Variants in RBFOX1 observed in about 807,000 individuals in gnomAD.
RBFOX1 encodes the protein RNA binding fox-1 homolog 1.
Under a neutral mutation model 57.7 loss-of-function variants are expected in RBFOX1, and 8 were observed. The ratio of observed to expected loss-of-function variants is 0.14; its 90% CI spans 0.08 to 0.25. The LOEUF (loss-of-function observed/expected upper bound fraction) is 0.25, where lower values mean the gene tolerates loss of function less well. Ranked by LOEUF, RBFOX1 falls within the 10% of genes least tolerant of loss-of-function variation. The probability of loss-of-function intolerance (pLI) is 1.00; values close to 1 mark genes in which losing one functional copy is unlikely to be tolerated. For missense variants in RBFOX1, 611 were observed against 548.5 expected, an observed-to-expected ratio of 1.11 and a Z score of -1.14; for synonymous variants, 326 against 222.4, an observed-to-expected ratio of 1.47 and a Z score of -4.15.
chr16:5,751,120 G>C lies in RBFOX1; in HGVS notation c.319-116183G>C, dbSNP rs1399823198. Reference sequence around the variant, plus strand: ...GGCCTCCTAAAGTGCTGGGATTACAGGCATGAGCCATCGTGCCTTGCCAAG... The same window carrying C: ...GGCCTCCTAAAGTGCTGGGATTACACGCATGAGCCATCGTGCCTTGCCAAG... On this transcript the variant is annotated intron_variant, in intron 3 of 19. Coordinates refer to the RBFOX1 transcript ENST00000641259. 2.6e-5 allele frequency among the ~76,000 whole-genome samples: 4 copies of C among 152,174 alleles called. No homozygotes were observed. The South Asian group carries it at 8.3e-4, about 31-fold the overall frequency.
chr16:5,737,879 T>C (rs915662043), intron 3 of RBFOX1, among the ~76,000 whole-genome samples: 2 of 152,236 alleles, frequency 1.3e-5, no homozygotes, highest in Non-Finnish European at 2.9e-5. Context: ...AATTATACTT[T>C]AAGTTCTGAG....
chr16:5,261,698 TG>T (rs1198947714), intron 1 of RBFOX1, among the ~76,000 whole-genome samples: 2 of 152,058 alleles, frequency 1.3e-5, no homozygotes, highest in African/African-American at 4.8e-5. Flanking sequence ...TACAGGCGCC[TG>T]CCACCATGCC....
Position 6,779,807 on chromosome 16 carries a change from TTATA to T in RBFOX1, c.-16+125165_-16+125168del, listed in dbSNP as rs1491405791. ...TATTTTTATATATACTTTTATATAT[TTATA>T]TATATATTTATATATATTTTTATAT... On this transcript the variant is annotated intron_variant, in intron 3 of 15. Coordinates refer to ENST00000550418, the MANE Select transcript of RBFOX1 (RefSeq NM_018723.4). Among the ~76,000 whole-genome samples, 30 of 11,260 alleles carry T rather than the reference TTATA, an allele frequency of 2.7e-3. 6 individuals carry two copies. Among genetic ancestry groups the T allele is most frequent in the Middle Eastern group, 0.048 (2 of 42 alleles). The allele number at this position is 11,260 out of a possible 152,430, so 7.4% of individuals were successfully genotyped here. A position where few individuals can be genotyped will look rare whatever the true frequency, so the allele number is the denominator to read the frequency against.
At chr16:5,719,849 G>C (rs1444019669) in intron 3 of RBFOX1, among the ~76,000 whole-genome samples, 1 of 152,120 alleles carries the variant, frequency 6.6e-6, no homozygotes. Flanking sequence ...ATTATGAATA[G>C]TGCTGCTACG....
At chr16:5,932,809 C>T (rs980318215) in intron 4 of RBFOX1, among the ~76,000 whole-genome samples, 5 of 151,974 alleles carry the variant, frequency 3.3e-5, no homozygotes, top group African/African-American at 7.3e-5. Flanking sequence ...ACCTCGGGTG[C>T]TTGGTTCTCC....
intron 2 of RBFOX1, among the ~76,000 whole-genome samples, chr16:6,381,224 A>T (rs1004849907): frequency 6.6e-6 from 1 of 152,182 alleles, no homozygotes; most frequent in African/African-American, 2.4e-5. Flanking sequence ...CAAATTTCTC[A>T]TGTGCATATA....
intron 4 of RBFOX1, among the ~76,000 whole-genome samples, chr16:7,108,025 G>T (rs1439986116): frequency 6.6e-6 from 1 of 151,416 alleles, no homozygotes; most frequent in Non-Finnish European, 1.5e-5. Flanking sequence ...AAGATTGGGG[G>T]GGAGAGGGTA....
At chr16:7,265,533 C>T (rs777397171) in intron 4 of RBFOX1, among the ~76,000 whole-genome samples, 3 of 152,128 alleles carry the variant, frequency 2.0e-5, no homozygotes, top group Admixed American at 6.5e-5. Flanking sequence ...ACTGTAACCT[C>T]CGCCTCCCGT....
intron 4 of RBFOX1, among the ~76,000 whole-genome samples, chr16:7,359,993 C>CA (rs1201797539): frequency 7.1e-6 from 1 of 140,548 alleles, no homozygotes; most frequent in African/African-American, 2.6e-5. Flanking sequence ...CAAAAAAAAA[C>CA]AAAAAACAAA....
chr16:7,333,041 G>C, intron 4 of RBFOX1: 4 of 1,613,812 alleles, frequency 2.5e-6, no homozygotes, highest in Non-Finnish European at 3.4e-6. Context: ...TCCTTATGGC[G>C]TGCCTATGAT....
At chr16:6,590,831 G>T (rs2097700004) in intron 2 of RBFOX1, among the ~76,000 whole-genome samples, 1 of 77,608 alleles carries the variant, frequency 1.3e-5, no homozygotes, top group African/African-American at 4.9e-5. Context: ...CTGTCATATT[G>T]GCAAGTGCGT....
chr16:6,450,801 G>GTGTA lies in RBFOX1; in HGVS notation c.-64+133745_-64+133746insGTAT, dbSNP rs2094585388. The stretch of plus-strand genomic sequence containing the variant: ...TATATATATATATACATATATATAT[G>GTGTA]TATATATATATATATACATATATAT... On this transcript the variant is annotated intron_variant, in intron 2 of 15. Transcript: ENST00000550418. Among the ~76,000 whole-genome samples, 31 of 16,460 alleles carry GTGTA rather than the reference G, an allele frequency of 1.9e-3. 4 individuals carry two copies. The highest frequency in any genetic ancestry group is 7.1e-3 in the African/African-American group (31 of 4,338). The allele number at this position is 16,460 out of a possible 152,430, so 10.8% of individuals were successfully genotyped here. A position where few individuals can be genotyped will look rare whatever the true frequency, so the allele number is the denominator to read the frequency against.
chr16:7,173,439 A>T (rs1347727511), intron 4 of RBFOX1, among the ~76,000 whole-genome samples: 2 of 152,212 alleles, frequency 1.3e-5, no homozygotes, highest in African/African-American at 4.8e-5. Context: ...AGTGACTCTG[A>T]AAGGGAGGCA....
chr16:5,939,526 T>TG (rs1347426124), intron 4 of RBFOX1, among the ~76,000 whole-genome samples: 2 of 152,196 alleles, frequency 1.3e-5, no homozygotes, highest in African/African-American at 4.8e-5. Flanking sequence ...CCTCACAACA[T>TG]GGCTGCTGGC....
chr16:5,629,152 T>A (rs2048429818), intron 3 of RBFOX1, among the ~76,000 whole-genome samples: 1 of 152,216 alleles, frequency 6.6e-6, no homozygotes, highest in Non-Finnish European at 1.5e-5. Context: ...TAGAACATAT[T>A]GAGAGTACAG....
At chr16:6,630,879 C>T (rs2154057919) in intron 2 of RBFOX1, among the ~76,000 whole-genome samples, 1 of 152,138 alleles carries the variant, frequency 6.6e-6, no homozygotes, top group East Asian at 1.9e-4. Context: ...GGACATTTGG[C>T]CAAACAGCTA....
At chr16:7,353,811 TATGGGAAGCGATCCTTTTATG>T (rs2097168786) in intron 4 of RBFOX1, among the ~76,000 whole-genome samples, 1 of 151,684 alleles carries the variant, frequency 6.6e-6, no homozygotes. Flanking sequence ...GGGGAGAGAG[TATGGGAAGCGATCCTTTTATG>T]GATATGGATT....
At chr16:6,018,985 T>C (rs1039579455), upstream of RBFOX1, 79 of 710,658 alleles carry the variant, frequency 1.1e-4, no homozygotes, top group Non-Finnish European at 1.3e-4. Flanking sequence ...GCGGCGGCGC[T>C]GGCGAGGGGA....
intron 2 of RBFOX1, among the ~76,000 whole-genome samples, chr16:6,506,640 T>C (rs1269000602): frequency 7.0e-5 from 1 of 14,384 alleles, no homozygotes; most frequent in Non-Finnish European, 2.8e-4. Context: ...TTTTTTTTTT[T>C]TTTTTTTTTT....
Sources: gnomAD v4.1 joint callset for allele counts (sites outside exome capture counted in the v4.1 genomes callset) on GRCh38, gnomAD v4.1.1 for gene constraint, MANE v1.5 for transcripts, NCBI Gene and HGNC (gene_info 2026-07-23, HGNC 2026-07-21) for gene names.